PIP5K1C: variants seen among roughly 807,000 people sequenced by gnomAD.
The protein encoded by PIP5K1C is phosphatidylinositol 4-phosphate 5-kinase type-1 gamma.
Under a neutral mutation model 80.1 loss-of-function variants are expected in PIP5K1C, and 45 were observed. That is an observed-to-expected ratio of 0.56 (90% confidence interval 0.44 to 0.72). PIP5K1C has a LOEUF of 0.72. Among genes scored for constraint, PIP5K1C ranks in the 30% least tolerant of loss-of-function variants. The pLI is 0.00. For missense variants in PIP5K1C, 753 were observed against 954.6 expected (o/e 0.79, Z 2.78); for synonymous variants, 498 against 420.1 (o/e 1.19, Z -2.27).
intron 3 of PIP5K1C, among the ~76,000 whole-genome samples, chr19:3,663,304 C>G (rs564215547): frequency 2.0e-5 from 3 of 152,334 alleles, no homozygotes; most frequent in African/African-American, 7.2e-5. Context: ...GTCGCAGGTG[C>G]GAGGTGGCAG....
chr19:3,697,067 A>C (rs72620518), intron 1 of PIP5K1C, among the ~76,000 whole-genome samples: 7,658 of 148,882 alleles, frequency 0.051, 315 homozygotes, highest in East Asian at 0.18. Flanking sequence ...GGGAGGACCG[A>C]GCTGGACCAA....
chr19:3,633,221 G>A (rs780010173), intron 17 of PIP5K1C, 52 bp from the exon 18 acceptor site: 3 of 742,548 alleles, frequency 4.0e-6, no homozygotes, highest in Non-Finnish European at 5.0e-6. Flanking sequence ...GCCCACCCCA[G>A]GCCCCCTGCC....
At chr19:3,656,581 G>A in intron 5 of PIP5K1C, 24 bp from the exon 6 acceptor site, 2 of 1,612,606 alleles carry the variant, frequency 1.2e-6, no homozygotes, top group Non-Finnish European at 1.7e-6. Context: ...AGGCGGGTCA[G>A]CGGGCCCCAA....
chr19:3,643,138 G>A, intron 13 of PIP5K1C, 105 bp downstream of exon 13: 1 of 1,559,814 alleles, frequency 6.4e-7, no homozygotes, highest in Non-Finnish European at 8.8e-7. Flanking sequence ...TACATACGAT[G>A]CTCCACCCAC....
intron 1 of PIP5K1C, among the ~76,000 whole-genome samples, chr19:3,689,838 C>T (rs748598185): frequency 3.3e-5 from 5 of 151,992 alleles, no homozygotes; most frequent in Non-Finnish European, 5.9e-5. Context: ...CACTAACGTA[C>T]ACTCCCCCCC....
At chr19:3,643,023 T>C (rs1450900379) in intron 13 of PIP5K1C, 84 bp from the exon 14 acceptor site, 15 of 1,543,534 alleles carry the variant, frequency 9.7e-6, no homozygotes, top group Middle Eastern at 1.7e-4. Context: ...CCCGCCTGCC[T>C]ACCTGCCCCC....
At chr19:3,693,393 T>A (rs937699577) in intron 1 of PIP5K1C, among the ~76,000 whole-genome samples, 4 of 152,078 alleles carry the variant, frequency 2.6e-5, no homozygotes, top group Admixed American at 1.3e-4. Context: ...CCTCCCAAGC[T>A]GGCCTCTCAG....
chr19:3,635,020 G>T (rs541480540), intron 16 of PIP5K1C, among the ~76,000 whole-genome samples: 1 of 152,352 alleles, frequency 6.6e-6, no homozygotes, highest in South Asian at 2.1e-4. Flanking sequence ...TTGAGAGCCC[G>T]GCATGGGGAG....
At chr19:3,671,096 G>A (rs1213897801) in intron 1 of PIP5K1C, among the ~76,000 whole-genome samples, 9 of 152,202 alleles carry the variant, frequency 5.9e-5, no homozygotes, top group Non-Finnish European at 8.8e-5. Context: ...GCGGTGGGCC[G>A]GGGCGGGACG....
At chr19:3,638,826 G>C (rs762421246) in intron 16 of PIP5K1C, 58 bp downstream of exon 16, 1 of 1,606,678 alleles carries the variant, frequency 6.2e-7, no homozygotes, top group Non-Finnish European at 8.5e-7. Flanking sequence ...ACGGTGGAGC[G>C]TGTGTGAGAG....
intron 1 of PIP5K1C, among the ~76,000 whole-genome samples, chr19:3,697,037 AGGAGGACTGAGCTGGACCGG>A (rs2036134047): frequency 1.3e-5 from 2 of 150,378 alleles, no homozygotes; most frequent in African/African-American, 2.4e-5. Flanking sequence ...AGCTGGACAA[AGGAGGACTGAGCTGGACCGG>A]GGAGGACCGA....
At chr19:3,662,569 A>G (rs910653297) in intron 3 of PIP5K1C, among the ~76,000 whole-genome samples, 1 of 151,612 alleles carries the variant, frequency 6.6e-6, no homozygotes. Flanking sequence ...TATTATTTTT[A>G]TTTGTTTATT....
At chr19:3,665,983 G>A (rs773125198) in intron 2 of PIP5K1C, among the ~76,000 whole-genome samples, 4 of 152,016 alleles carry the variant, frequency 2.6e-5, no homozygotes, top group African/African-American at 4.8e-5. Context: ...CTCCACAGCC[G>A]ACGCTGCTCA....
At chr19:3,700,225 C>G in intron 1 of PIP5K1C, 72 bp downstream of exon 1, 2 of 883,556 alleles carry the variant, frequency 2.3e-6, no homozygotes, top group Non-Finnish European at 2.8e-6. Flanking sequence ...CCCGCCCCGG[C>G]CCCGCAGCCC....
In PIP5K1C at chr19:3,700,417, G is replaced by T. The variant is rs1183106338; in HGVS notation, c.-27C>A. On this transcript the variant is annotated 5_prime_UTR_variant, in exon 1 of 18. Coordinates refer to ENST00000335312, the MANE Select transcript of PIP5K1C (RefSeq NM_012398.3). ...GCCGCGCGCGGACGGCGGCGGGGGC[G>T]CCCGAGGGGGACCCGAGCTGCGACC... 9.4e-7 allele frequency: 1 copy of T among 1,067,248 alleles called. No homozygotes were observed. Among genetic ancestry groups the T allele is most frequent in the Non-Finnish European group, 1.1e-6 (1 of 881,758 alleles). The allele number at this position is 1,067,248 out of a possible 1,614,324, so 66.1% of individuals were successfully genotyped here.
At chr19:3,673,261 C>G (rs1039249770) in intron 1 of PIP5K1C, among the ~76,000 whole-genome samples, 1 of 152,144 alleles carries the variant, frequency 6.6e-6, no homozygotes, top group African/African-American at 2.4e-5. Context: ...GATTCCCTCA[C>G]GGTTTGTTCC....
At chr19:3,663,110 C>G (rs1437657026) in intron 3 of PIP5K1C, among the ~76,000 whole-genome samples, 1 of 152,232 alleles carries the variant, frequency 6.6e-6, no homozygotes, top group Non-Finnish European at 1.5e-5. Flanking sequence ...TGGTGATCCT[C>G]CCGCCTCGGC....
intron 3 of PIP5K1C, among the ~76,000 whole-genome samples, chr19:3,662,904 C>T (rs1457931251): frequency 6.6e-6 from 1 of 152,180 alleles, no homozygotes; most frequent in Non-Finnish European, 1.5e-5. Flanking sequence ...CTCTACTGCC[C>T]AGGCTGGAAT....
At position 3,631,786 on chromosome 19, in the gene PIP5K1C, G is replaced by A. The variant is rs2145354196; in HGVS notation, c.*1381C>T. 1 of 152,416 alleles carries A rather than the reference G, an allele frequency of 6.6e-6. No homozygotes were observed. The highest frequency in any genetic ancestry group is 1.5e-5 in the Non-Finnish European group (1 of 68,068). The allele number at this position is 152,416 out of a possible 1,614,324, so 9.4% of individuals were successfully genotyped here. ...CGGAGGTTGTAACAGACAAAACACA[G>A]AGCCCTGCCTGGGAGGTTCTCCGGC... On this transcript the variant is annotated 3_prime_UTR_variant, in exon 18 of 18. Transcript: ENST00000335312.
Sources: allele counts gnomAD v4.1 joint callset (sites outside exome capture counted in the v4.1 genomes callset), GRCh38; gene constraint gnomAD v4.1.1; transcripts MANE v1.5; gene names NCBI Gene and HGNC (gene_info 2026-07-23, HGNC 2026-07-21).